Variants in ROCK1 observed in about 807,000 individuals in gnomAD.
ROCK1 encodes rho-associated protein kinase 1.
Under a neutral mutation model 196.8 loss-of-function variants are expected in ROCK1, and 36 were observed. The observed-to-expected ratio is 0.18, with a 90% CI of 0.14 to 0.24. The LOEUF (loss-of-function observed/expected upper bound fraction) is 0.24, where lower values mean the gene tolerates loss of function less well. Among genes scored for constraint, ROCK1 ranks in the 10% least tolerant of loss-of-function variants. ROCK1 has a pLI of 1.00. For synonymous variants in ROCK1, 443 were observed against 515.9 expected (o/e 0.86, Z 1.91); for missense variants, 920 against 1,562.0 (o/e 0.59, Z 6.93).
At position 21,001,819 on chromosome 18, in the gene ROCK1, G is replaced by T. The variant is rs559711123; in HGVS notation, c.1885+4532C>A. Reference sequence around the variant, plus strand: ...GAGGCTATGAGAAAAAACCCACAATGATAGTGAAAACTTTTAAAACACATT... The same window carrying T: ...GAGGCTATGAGAAAAAACCCACAATTATAGTGAAAACTTTTAAAACACATT... On this transcript the variant is annotated intron_variant, in intron 16 of 32. Transcript: ENST00000399799. 2.0e-5 allele frequency among the ~76,000 whole-genome samples: 3 copies of T among 150,690 alleles called. No individual in the cohort carries two copies. In the East Asian group the frequency reaches 5.8e-4, roughly 29 times the overall value.
At chr18:21,100,717 G>T (rs1276957662) in intron 1 of ROCK1, among the ~76,000 whole-genome samples, 1 of 152,118 alleles carries the variant, frequency 6.6e-6, no homozygotes, top group African/African-American at 2.4e-5. Flanking sequence ...ATCTCAGAAG[G>T]AGACTGCATG....
intron 2 of ROCK1, among the ~76,000 whole-genome samples, chr18:21,052,979 G>A (rs1391416556): frequency 6.6e-6 from 1 of 152,114 alleles, no homozygotes; most frequent in Non-Finnish European, 1.5e-5. Flanking sequence ...AGTCTGTAAG[G>A]GGAGACTATA....
intron 9 of ROCK1, among the ~76,000 whole-genome samples, chr18:21,032,637 A>G (rs936275455): frequency 4.0e-5 from 6 of 150,392 alleles, no homozygotes; most frequent in African/African-American, 1.5e-4. Flanking sequence ...TCTCTGCCTC[A>G]GCCTCTGATG....
At chr18:21,032,670 C>T (rs932867291) in intron 9 of ROCK1, among the ~76,000 whole-genome samples, 1 of 149,808 alleles carries the variant, frequency 6.7e-6, no homozygotes, top group African/African-American at 2.5e-5. Flanking sequence ...TAGGAGTGCA[C>T]CACCATGCCT....
rs985401133 is a variant in ROCK1 at position 20,947,780 on chromosome 18, C to T, written c.*3604G>A. ...GTCTTACAATTTTCTTGGTGGAGGT[C>T]GTATACATCTTTCAGTAGATTGTTT... On this transcript the variant is annotated 3_prime_UTR_variant, in exon 33 of 33. Transcript: ENST00000399799. The T allele has an allele frequency of 2.0e-5, 3 of 151,930 alleles. No individual in the cohort carries two copies. The highest frequency in any genetic ancestry group is 7.3e-5 in the African/African-American group (3 of 41,344). 9.4% of individuals were successfully genotyped at this position (151,930 alleles called of 1,614,324 possible).
intron 18 of ROCK1, 101 bp downstream of exon 18, chr18:20,991,075 A>C: frequency 1.1e-6 from 1 of 894,438 alleles, no homozygotes; most frequent in Non-Finnish European, 1.7e-6. Context: ...TTTATATTAT[A>C]CTTTCTACGA....
rs1457046675 is a variant in ROCK1, at chr18:20,950,264, CATT to C, written c.*1117_*1119del. 6.6e-6 allele frequency: 1 copy of C among 152,262 alleles called. No individual in the cohort carries two copies. Among genetic ancestry groups the C allele is most frequent in the Non-Finnish European group, 1.5e-5 (1 of 68,036 alleles). 9.4% of individuals were successfully genotyped at this position (152,262 alleles called of 1,614,324 possible). A position where few individuals can be genotyped will look rare whatever the true frequency, so the allele number is the denominator to read the frequency against. ...TACATTTTTTGCAGTTTTATAAAGT[CATT>C]ATTGTAGCAGGTAGTTTGATGCAAA... On this transcript the variant is annotated 3_prime_UTR_variant, in exon 33 of 33. Coordinates refer to ENST00000399799, the MANE Select transcript of ROCK1 (RefSeq NM_005406.3).
At position 21,020,156 on chromosome 18, in the gene ROCK1, C is replaced by T. The variant is rs200785758; in HGVS notation, c.1356G>A (p.Lys452=). 1.9e-6 allele frequency: 3 copies of T among 1,587,832 alleles called. No individual in the cohort carries two copies. The highest frequency in any genetic ancestry group is 2.3e-5 in the East Asian group (1 of 44,082). The change falls in exon 12 of 33, where the codon AAG becomes AAA. Residue 452 remains lysine, a synonymous_variant. Coordinates refer to ENST00000399799, the MANE Select transcript of ROCK1 (RefSeq NM_005406.3). ...AACTTAAAGTATATTCTCACCTGCACTTCTGCTCCATTTCATCTTTTAACT... is the reference window on the plus strand; with the variant it reads ...AACTTAAAGTATATTCTCACCTGCATTTCTGCTCCATTTCATCTTTTAACT... The part of the protein sequence containing the change: ...EMQLKDEMEQ[K]CRTSNIKLDK...
chr18:21,058,046 C>G (rs903562136), intron 2 of ROCK1, among the ~76,000 whole-genome samples: 6 of 151,976 alleles, frequency 3.9e-5, no homozygotes, highest in Non-Finnish European at 1.5e-5. Flanking sequence ...TTATGTTCAG[C>G]ATATAATGTT....
intron 25 of ROCK1, 107 bp downstream of exon 25, chr18:20,968,665 C>A: frequency 1.5e-6 from 1 of 689,530 alleles, no homozygotes. Context: ...TTTATTTGTT[C>A]TGATGAAAAG....
At position 21,070,623 on chromosome 18, in the gene ROCK1, C is replaced by A; in HGVS notation, c.94-10G>T. ...AAGCATCCAATCCATCCTAAAGAAA[C>A]AAACAAACAATGGTTAGTTTTTTGG... On this transcript the variant is annotated splice_polypyrimidine_tract_variant and intron_variant, in intron 1 of 32. Transcript: ENST00000399799. 6.3e-7 allele frequency: 1 copy of A among 1,583,846 alleles called. No individual in the cohort carries two copies.
chr18:20,990,677 G>C (rs2035616677), intron 18 of ROCK1, among the ~76,000 whole-genome samples: 1 of 61,190 alleles, frequency 1.6e-5, no homozygotes, highest in East Asian at 5.0e-4. Flanking sequence ...TGGGAGACAA[G>C]AGCAAAACTT....
chr18:21,108,536 T>G (rs1337997871), intron 1 of ROCK1, among the ~76,000 whole-genome samples: 1 of 152,182 alleles, frequency 6.6e-6, no homozygotes, highest in African/African-American at 2.4e-5. Context: ...GTAGGCCTAT[T>G]CTTCACAAGC....
chr18:21,061,044 C>A (rs1317589936), intron 2 of ROCK1, among the ~76,000 whole-genome samples: 1 of 150,392 alleles, frequency 6.6e-6, no homozygotes, highest in Non-Finnish European at 1.5e-5. Flanking sequence ...CTACTTCACA[C>A]AACATGGACA....
At chr18:20,985,323 T>A (rs992560227) in intron 19 of ROCK1, among the ~76,000 whole-genome samples, 1 of 152,198 alleles carries the variant, frequency 6.6e-6, no homozygotes, top group Non-Finnish European at 1.5e-5. Flanking sequence ...TCTAATTCTA[T>A]TCCTATCATT....
At position 21,111,319 on chromosome 18, in the gene ROCK1, G is replaced by A. The variant is rs201517233; in HGVS notation, c.-409C>T. 183 of 455,034 alleles carry A rather than the reference G, an allele frequency of 4.0e-4. 1 individual carries two copies. In the East Asian group the frequency reaches 6.1e-3, roughly 15 times the overall value. The allele number at this position is 455,034 out of a possible 1,614,324, so 28.2% of individuals were successfully genotyped here. A position where few individuals can be genotyped will look rare whatever the true frequency, so the allele number is the denominator to read the frequency against. On this transcript the variant is annotated 5_prime_UTR_variant, in exon 1 of 33. Transcript: ENST00000399799. This position sits in a 1 kb window ranked among gnomAD's most constrained non-coding sequence, Gnocchi z 4.2. ...GGTGGAGACTCCCTCCGGGCAACAAGGGAGGGAGAAGAGGAAAGGCGAAAG... is the reference window on the plus strand; with the variant it reads ...GGTGGAGACTCCCTCCGGGCAACAAAGGAGGGAGAAGAGGAAAGGCGAAAG...
At chr18:21,109,377 C>T (rs1340915567) in intron 1 of ROCK1, among the ~76,000 whole-genome samples, 1 of 152,050 alleles carries the variant, frequency 6.6e-6, no homozygotes, top group Non-Finnish European at 1.5e-5. Context: ...CCCTATAACA[C>T]CACTCATGTA....
At position 21,049,838 on chromosome 18, in the gene ROCK1, G is replaced by A. The variant is rs775572472; in HGVS notation, c.218C>T (p.Ala73Val). ...INKIRDLRMK[A>V]EDYEVVKVIG... ...CACCTTCACTACTTCATAATCTTCA[G>A]CTTTCATTCGTAAATCTCTGATTTT... The change falls in exon 3 of 33, where the codon GCT becomes GTT. Residue 73 changes from alanine to valine, a missense_variant. Ala to Val is a moderately conservative substitution (Grantham distance 64). Transcript: ENST00000399799. The A allele has an allele frequency of 2.5e-6, 4 of 1,606,618 alleles. No individual in the cohort carries two copies. The highest frequency in any genetic ancestry group is 3.4e-6 in the Non-Finnish European group (4 of 1,176,396).
intron 9 of ROCK1, among the ~76,000 whole-genome samples, chr18:21,033,778 G>A (rs1186895640): frequency 1.3e-5 from 2 of 149,008 alleles, no homozygotes; most frequent in African/African-American, 5.0e-5. Flanking sequence ...CAGCACTTTG[G>A]GAGGCGGAGG....
Sources: gnomAD v4.1 joint callset for allele counts (sites outside exome capture counted in the v4.1 genomes callset) on GRCh38, gnomAD v4.1.1 for gene constraint, Gnocchi (gnomAD v3.1) non-coding constraint, MANE v1.5 for transcripts, NCBI Gene and HGNC (gene_info 2026-07-23, HGNC 2026-07-21) for gene names.